PRKAG2: variants seen among roughly 807,000 people sequenced by gnomAD.
PRKAG2 encodes protein kinase AMP-activated non-catalytic subunit gamma 2.
Under a neutral mutation model 69.6 loss-of-function variants are expected in PRKAG2, and 26 were observed. That is an observed-to-expected ratio of 0.37 (90% CI 0.27 to 0.52). The LOEUF is 0.52. Ranked by LOEUF, PRKAG2 falls within the 20% of genes least tolerant of loss-of-function variation. The probability of loss-of-function intolerance (pLI) is 0.90; values close to 1 mark genes in which losing one functional copy is unlikely to be tolerated. For synonymous variants in PRKAG2, 293 were observed against 285.0 expected (o/e 1.03, Z -0.28); for missense variants, 557 against 740.0 (o/e 0.75, Z 2.87).
At chr7:151,744,605 C>T (rs536956911) in intron 3 of PRKAG2, among the ~76,000 whole-genome samples, 118 of 152,350 alleles carry the variant, frequency 7.7e-4, no homozygotes, top group Non-Finnish European at 1.6e-3. Flanking sequence ...TCATCAAAGC[C>T]ACTTTGCATG....
chr7:151,857,078 A>G (rs1292110937), intron 1 of PRKAG2, among the ~76,000 whole-genome samples: 1 of 151,830 alleles, frequency 6.6e-6, no homozygotes, highest in Non-Finnish European at 1.5e-5. Context: ...AAACAAAAAA[A>G]CAATCCTAAG....
intron 6 of PRKAG2, among the ~76,000 whole-genome samples, chr7:151,584,448 T>C (rs1254262008): frequency 6.6e-6 from 1 of 152,006 alleles, no homozygotes; most frequent in Non-Finnish European, 1.5e-5. Context: ...AGTCCCAGTT[T>C]TACACAGATC....
chr7:151,776,510 C>T (rs2076356857), intron 3 of PRKAG2, among the ~76,000 whole-genome samples: 1 of 152,234 alleles, frequency 6.6e-6, no homozygotes, highest in Admixed American at 6.5e-5. Context: ...AACGTCCCAC[C>T]ATGTCCACCA....
intron 1 of PRKAG2, among the ~76,000 whole-genome samples, chr7:151,791,225 C>T (rs996473643): frequency 3.3e-5 from 5 of 152,340 alleles, no homozygotes; most frequent in African/African-American, 1.2e-4. Flanking sequence ...GGAAACATCA[C>T]GCATCTTGGG....
rs11406004 is a variant in PRKAG2, at chr7:151,861,528, C to CAA, written c.114+14977_114+14978dup. On this transcript the variant is annotated intron_variant, in intron 1 of 15. Coordinates refer to ENST00000287878, the MANE Select transcript of PRKAG2 (RefSeq NM_016203.4). ...GGGTGACAGAATAAGACTCTGTCTC[C>CAA]AAAAAAAAAAAAAAAAAAAAGAATC... is the stretch of plus-strand genomic sequence containing the variant. Among the ~76,000 whole-genome samples the CAA allele has an allele frequency of 6.3e-3, 607 of 96,378 alleles. 10 individuals are homozygous for CAA. The highest frequency in any genetic ancestry group is 0.011 in the African/African-American group (245 of 23,308). The allele number at this position is 96,378 out of a possible 152,430, so 63.2% of individuals were successfully genotyped here.
chr7:151,733,208 A>C (rs1207783754), intron 3 of PRKAG2, among the ~76,000 whole-genome samples: 5 of 152,226 alleles, frequency 3.3e-5, no homozygotes, highest in Non-Finnish European at 7.3e-5. Flanking sequence ...CACTAACCAA[A>C]GTCAGACATA....
intron 3 of PRKAG2, among the ~76,000 whole-genome samples, chr7:151,694,567 G>A (rs2727551): frequency 0.17 from 26,182 of 152,136 alleles, 3,354 homozygotes; most frequent in African/African-American, 0.35. Flanking sequence ...TCATGACTGC[G>A]TTCTCTCACT....
intron 1 of PRKAG2, among the ~76,000 whole-genome samples, chr7:151,875,894 CCA>C (rs947163199): frequency 6.6e-5 from 10 of 152,084 alleles, no homozygotes; most frequent in African/African-American, 2.4e-4. Context: ...CCCCCAAATA[CCA>C]CAGAGACCCA....
chr7:151,559,476 T>G (rs1804447630), intron 15 of PRKAG2: 1 of 984,390 alleles, frequency 1.0e-6, no homozygotes, highest in African/African-American at 1.7e-5. Flanking sequence ...GGCCCCAACA[T>G]GAACATTTCA....
chr7:151,873,907 G>A (rs922412793), intron 1 of PRKAG2, among the ~76,000 whole-genome samples: 2 of 152,116 alleles, frequency 1.3e-5, no homozygotes, highest in Non-Finnish European at 2.9e-5. Context: ...CTGGACAATG[G>A]CATGTTCTTG....
rs538362239 is a variant in PRKAG2, at chr7:151,699,738, G to A, written c.467-24101C>T. ...GCAGGAAGCATCTGATGGAGGACAC[G>A]TCAATCTTTTCATCAATCATTGAAA... On this transcript the variant is annotated intron_variant, in intron 3 of 15. Coordinates refer to ENST00000287878, the MANE Select transcript of PRKAG2 (RefSeq NM_016203.4). This position sits in a 1 kb window ranked among gnomAD's most constrained non-coding sequence, Gnocchi z 4.5. Among the ~76,000 whole-genome samples the A allele has an allele frequency of 7.2e-4, 110 of 152,294 alleles. No individual in the cohort carries two copies. Among genetic ancestry groups the A allele is most frequent in the African/African-American group, 2.4e-3 (99 of 41,546 alleles).
chr7:151,557,361 T>C, intron 15 of PRKAG2, 129 bp from the exon 16 acceptor site: 2 of 1,600,918 alleles, frequency 1.2e-6, no homozygotes, highest in Non-Finnish European at 1.7e-6. Context: ...GAGGGCGATG[T>C]GGGAAGGAGC....
At chr7:151,753,022 G>A (rs1279975176) in intron 3 of PRKAG2, among the ~76,000 whole-genome samples, 1 of 152,254 alleles carries the variant, frequency 6.6e-6, no homozygotes, top group African/African-American at 2.4e-5. Context: ...GCCCACGGAT[G>A]GGTGGGTGCC....
At chr7:151,715,545 G>A (rs1473015285) in intron 3 of PRKAG2, among the ~76,000 whole-genome samples, 3 of 151,602 alleles carry the variant, frequency 2.0e-5, no homozygotes, top group African/African-American at 7.3e-5. Flanking sequence ...TAGTAGAGAC[G>A]GGGTTTCACC....
intron 5 of PRKAG2, among the ~76,000 whole-genome samples, chr7:151,605,981 A>C (rs1817479945): frequency 6.6e-6 from 1 of 151,010 alleles, no homozygotes; most frequent in Non-Finnish European, 1.5e-5. Context: ...CAGGACATGG[A>C]GGTTGCAGTG....
At chr7:151,798,054 G>T (rs1450429256) in intron 1 of PRKAG2, among the ~76,000 whole-genome samples, 1 of 152,202 alleles carries the variant, frequency 6.6e-6, no homozygotes, top group Non-Finnish European at 1.5e-5. Context: ...ATCCAGGCTG[G>T]AATGCAATGG....
At chr7:151,695,001 C>T (rs1052340580) in intron 3 of PRKAG2, among the ~76,000 whole-genome samples, 15 of 152,240 alleles carry the variant, frequency 9.9e-5, no homozygotes, top group African/African-American at 3.6e-4. Flanking sequence ...GTCAGCAGGC[C>T]CGGGCAGGGA....
intron 1 of PRKAG2, among the ~76,000 whole-genome samples, chr7:151,842,527 GTGA>G (rs1434088012): frequency 1.7e-4 from 25 of 150,336 alleles, no homozygotes; most frequent in African/African-American, 4.7e-4. Context: ...ATGGTAGGTA[GTGA>G]TGATGGTAGT....
intron 4 of PRKAG2, among the ~76,000 whole-genome samples, chr7:151,658,031 G>A (rs756588483): frequency 7.2e-5 from 11 of 151,846 alleles, no homozygotes; most frequent in Non-Finnish European, 1.3e-4. Context: ...GGTGGCGCAC[G>A]CATGTAGTCC....
Sources: gnomAD v4.1 joint callset for allele counts (sites outside exome capture counted in the v4.1 genomes callset) on GRCh38, gnomAD v4.1.1 for gene constraint, Gnocchi (gnomAD v3.1) non-coding constraint, MANE v1.5 for transcripts, NCBI Gene and HGNC (gene_info 2026-07-23, HGNC 2026-07-21) for gene names.